Variants in PTPRA observed in about 807,000 individuals in gnomAD.
PTPRA encodes protein tyrosine phosphatase receptor type A, also known as receptor-type tyrosine-protein phosphatase alpha.
PTPRA carries 25 observed loss-of-function variants against 104.8 expected under a neutral mutation model. The ratio of observed to expected loss-of-function variants is 0.24; its 90% CI spans 0.17 to 0.33. The LOEUF is 0.33. Among genes scored for constraint, PTPRA ranks in the 10% least tolerant of loss-of-function variants. The pLI, the probability that PTPRA is intolerant of heterozygous loss-of-function variation, is 1.00. For missense variants in PTPRA, 765 were observed against 1,015.3 expected (o/e 0.75, Z 3.35); for synonymous variants, 323 against 368.9 (o/e 0.88, Z 1.43).
At chr20:2,963,702 T>C (rs1415482029) in intron 3 of PTPRA, among the ~76,000 whole-genome samples, 1 of 152,122 alleles carries the variant, frequency 6.6e-6, no homozygotes, top group Non-Finnish European at 1.5e-5. Flanking sequence ...AGCGCAGACA[T>C]GATGCTCAAA....
At chr20:2,993,873 G>A (rs964665687) in intron 9 of PTPRA, among the ~76,000 whole-genome samples, 2 of 152,176 alleles carry the variant, frequency 1.3e-5, no homozygotes, top group African/African-American at 2.4e-5. Flanking sequence ...TCACAGAGCC[G>A]GGAGCATCTA....
rs2065222667 is a variant in PTPRA at position 3,027,859 on chromosome 20, T to G, written c.1920+18T>G. The G allele has an allele frequency of 1.2e-6, 2 of 1,612,788 alleles. No homozygotes were observed. Among genetic ancestry groups the G allele is most frequent in the African/African-American group, 2.7e-5 (2 of 74,864 alleles). ...GAGGCCAGGTGAGTTCAAAAGGTCCTGGGTGGTGAGAGACAGAGACAGCAT... is the reference window on the plus strand; with the variant it reads ...GAGGCCAGGTGAGTTCAAAAGGTCCGGGGTGGTGAGAGACAGAGACAGCAT... On this transcript the variant is annotated intron_variant, in intron 20 of 23. Transcript: ENST00000399903.
intron 9 of PTPRA, among the ~76,000 whole-genome samples, chr20:2,989,923 A>G (rs546377551): frequency 6.6e-6 from 1 of 152,278 alleles, no homozygotes; most frequent in Admixed American, 6.5e-5. Context: ...AGGCTGAGGC[A>G]GGAGAATGGT....
intron 11 of PTPRA, among the ~76,000 whole-genome samples, chr20:3,010,035 A>T (rs1428657697): frequency 6.6e-6 from 1 of 151,864 alleles, no homozygotes; most frequent in African/African-American, 2.4e-5. Context: ...TTTTTAGTAG[A>T]GACGGTGTTT....
chr20:2,988,748 C>T lies in PTPRA; in HGVS notation c.738+274C>T, dbSNP rs144892516. On this transcript the variant is annotated intron_variant, in intron 9 of 23. Transcript: ENST00000399903. ...TACTTAGCAAGCATCTAATATTTGT[C>T]AGGTAATATTCTAGTTGCCAGTGAT... Among the ~76,000 whole-genome samples, 504 of 152,334 alleles carry T rather than the reference C, an allele frequency of 3.3e-3. 4 individuals carry two copies. The highest frequency in any genetic ancestry group is 0.012 in the African/African-American group (483 of 41,580).
At chr20:2,965,695 A>G in intron 5 of PTPRA, among the ~76,000 whole-genome samples, 1 of 152,180 alleles carries the variant, frequency 6.6e-6, no homozygotes, top group South Asian at 2.1e-4. Context: ...GAGAATGGAC[A>G]TTGATGTCCA....
chr20:2,979,805 A>G (rs2062595889), intron 6 of PTPRA, among the ~76,000 whole-genome samples: 1 of 152,168 alleles, frequency 6.6e-6, no homozygotes, highest in South Asian at 2.1e-4. Flanking sequence ...TGGCCTCCCA[A>G]AGTGTTGGGC....
intron 2 of PTPRA, among the ~76,000 whole-genome samples, chr20:2,929,102 C>A (rs1043896589): frequency 1.3e-5 from 2 of 151,986 alleles, no homozygotes; most frequent in Non-Finnish European, 2.9e-5. Context: ...CAGGAGTATG[C>A]CACCACACCT....
At chr20:3,032,639 G>A (rs1168239324) in intron 20 of PTPRA, among the ~76,000 whole-genome samples, 1 of 151,736 alleles carries the variant, frequency 6.6e-6, no homozygotes, top group African/African-American at 2.4e-5. Flanking sequence ...GATGGTGCAT[G>A]CCTGTGATCC....
At chr20:2,914,634 G>C (rs2059835113) in intron 1 of PTPRA, among the ~76,000 whole-genome samples, 2 of 151,966 alleles carry the variant, frequency 1.3e-5, no homozygotes. Context: ...CAATCCCCTT[G>C]AATGTGCCCA....
Position 3,029,592 on chromosome 20 carries a change from A to C in PTPRA, c.1920+1751A>C, listed in dbSNP as rs530041848. 9.1e-5 allele frequency among the ~76,000 whole-genome samples: 11 copies of C among 121,080 alleles called. 1 individual carries two copies. The highest frequency in any genetic ancestry group is 3.6e-4 in the African/African-American group (11 of 30,146). 79.4% of individuals were successfully genotyped at this position (121,080 alleles called of 152,430 possible). On this transcript the variant is annotated intron_variant, in intron 20 of 23. Coordinates refer to ENST00000399903, the MANE Select transcript of PTPRA (RefSeq NM_001385305.1). ...GTCTCTGTCACCCAGGCTGGAGTGC[A>C]GTGGCACAATATGGGCTCATTGCAA...
At chr20:2,992,367 A>C (rs1442541080) in intron 9 of PTPRA, among the ~76,000 whole-genome samples, 1 of 152,084 alleles carries the variant, frequency 6.6e-6, no homozygotes, top group Admixed American at 6.5e-5. Flanking sequence ...AAATACAAAA[A>C]TTAGCCAGGC....
intron 11 of PTPRA, among the ~76,000 whole-genome samples, chr20:3,013,000 A>AC (rs1162095373): frequency 1.3e-5 from 2 of 152,120 alleles, no homozygotes; most frequent in Non-Finnish European, 2.9e-5. Flanking sequence ...AAGTATATTC[A>AC]CATATAACTG....
At position 3,037,314 on chromosome 20, in the gene PTPRA, T is replaced by C. The variant is rs773861019; in HGVS notation, c.2334+25T>C. The stretch of plus-strand genomic sequence containing the variant: ...GGTATGCTGCCCACATATTTGTCCC[T>C]GCCACCACACCACCTGCAGCCCTTC... On this transcript the variant is annotated intron_variant, in intron 23 of 23. Coordinates refer to ENST00000399903, the MANE Select transcript of PTPRA (RefSeq NM_001385305.1). This position sits in a 1 kb window ranked among gnomAD's most constrained non-coding sequence, Gnocchi z 4.3. 1.9e-6 allele frequency: 3 copies of C among 1,611,966 alleles called. No homozygotes were observed. In the Admixed American group the frequency reaches 5.0e-5, roughly 27 times the overall value.
chr20:3,017,597 C>G (rs369094167), intron 12 of PTPRA, among the ~76,000 whole-genome samples: 43 of 152,302 alleles, frequency 2.8e-4, no homozygotes, highest in African/African-American at 9.9e-4. Flanking sequence ...TTTTTGACAG[C>G]CTTCCACCCA....
At chr20:2,911,751 T>C (rs1027463992) in intron 1 of PTPRA, among the ~76,000 whole-genome samples, 1 of 152,054 alleles carries the variant, frequency 6.6e-6, no homozygotes, top group Non-Finnish European at 1.5e-5. Context: ...GATCTAACTA[T>C]GTAAGAGCAG....
At chr20:2,891,498 A>G (rs1317013128) in intron 1 of PTPRA, among the ~76,000 whole-genome samples, 1 of 152,094 alleles carries the variant, frequency 6.6e-6, no homozygotes, top group Non-Finnish European at 1.5e-5. Flanking sequence ...ACTTGACATT[A>G]TAATTTATCA....
chr20:2,916,144 A>G (rs964235660), intron 1 of PTPRA, among the ~76,000 whole-genome samples: 1 of 152,022 alleles, frequency 6.6e-6, no homozygotes, highest in Non-Finnish European at 1.5e-5. Flanking sequence ...GGCTCAAGCT[A>G]TCCTCCCACC....
intron 9 of PTPRA, among the ~76,000 whole-genome samples, chr20:3,000,410 T>C (rs569995910): frequency 9.2e-5 from 14 of 152,264 alleles, no homozygotes; most frequent in Non-Finnish European, 1.3e-4. Context: ...CAGAGAAATG[T>C]AAATCAGTTA....
Sources: gnomAD v4.1 joint callset for allele counts (sites outside exome capture counted in the v4.1 genomes callset) on GRCh38, gnomAD v4.1.1 for gene constraint, Gnocchi (gnomAD v3.1) non-coding constraint, MANE v1.5 for transcripts, NCBI Gene and HGNC (gene_info 2026-07-23, HGNC 2026-07-21) for gene names.